Variants in MAF observed in about 807,000 individuals in gnomAD.
MAF encodes MAF bZIP transcription factor, also known as transcription factor Maf.
In MAF, 10 loss-of-function variants were observed where a neutral mutation model predicts 22.0. That is an observed-to-expected ratio of 0.45 (90% CI 0.28 to 0.77). The LOEUF is 0.77. Among genes scored for constraint, MAF ranks in the 30% least tolerant of loss-of-function variants. The probability of loss-of-function intolerance (pLI) is 0.12; values close to 1 mark genes in which losing one functional copy is unlikely to be tolerated. For synonymous variants in MAF, 337 were observed against 255.8 expected (o/e 1.32, Z -3.03); for missense variants, 544 against 548.4 (o/e 0.99, Z 0.08).
chr16:79,543,873 A>T, the MAF span, among the ~76,000 whole-genome samples: 1 of 151,900 alleles, frequency 6.6e-6, no homozygotes, highest in Non-Finnish European at 1.5e-5. Context: ...TTTTTAGCAG[A>T]GACGGGGTTT....
chr16:79,206,875 A>G, the MAF span: 1 of 152,168 alleles, frequency 6.6e-6, no homozygotes, highest in Non-Finnish European at 1.5e-5. Context: ...ATTTGTGGCA[A>G]ATGTGTCCCC....
the MAF span, among the ~76,000 whole-genome samples, chr16:79,276,735 C>A: frequency 6.6e-6 from 1 of 152,152 alleles, no homozygotes; most frequent in African/African-American, 2.4e-5. Context: ...AAGGATAAAG[C>A]TTCCCTGTTC....
the MAF span, among the ~76,000 whole-genome samples, chr16:79,489,645 A>G: frequency 1.3e-5 from 2 of 152,222 alleles, no homozygotes; most frequent in South Asian, 2.1e-4. Flanking sequence ...CCAGAGAGAA[A>G]AGACAACATG....
At chr16:79,297,794 G>A in the MAF span, among the ~76,000 whole-genome samples, 5 of 152,300 alleles carry the variant, frequency 3.3e-5, no homozygotes, top group African/African-American at 1.2e-4. Context: ...CGAGGGACTG[G>A]TGGGGAGAAC....
At chr16:79,223,007 G>A in the MAF span, among the ~76,000 whole-genome samples, 1 of 152,040 alleles carries the variant, frequency 6.6e-6, no homozygotes, top group Non-Finnish European at 1.5e-5. Flanking sequence ...CTCAGCTCTG[G>A]ACCAAGCAGA....
At chr16:79,372,413 A>T in the MAF span, among the ~76,000 whole-genome samples, 2 of 152,206 alleles carry the variant, frequency 1.3e-5, no homozygotes, top group Non-Finnish European at 2.9e-5. Context: ...CTGGACTGTG[A>T]TATATGTCTG....
chr16:79,494,419 C>T, the MAF span, among the ~76,000 whole-genome samples: 1 of 152,058 alleles, frequency 6.6e-6, no homozygotes, highest in Non-Finnish European at 1.5e-5. Flanking sequence ...ATAAAGCTTC[C>T]TATATCTCAG....
chr16:79,346,832 T>C, the MAF span, among the ~76,000 whole-genome samples: 1 of 152,324 alleles, frequency 6.6e-6, no homozygotes, highest in South Asian at 2.1e-4. Flanking sequence ...ACCGTCCTTT[T>C]GCACTTTTTT....
the MAF span, among the ~76,000 whole-genome samples, chr16:79,375,734 A>T: frequency 2.4e-4 from 36 of 151,744 alleles, no homozygotes; most frequent in East Asian, 7.0e-3. Context: ...TCACAGACTT[A>T]AAAAAAAATC....
the MAF span, among the ~76,000 whole-genome samples, chr16:79,458,416 G>A: frequency 6.6e-6 from 1 of 152,086 alleles, no homozygotes; most frequent in Non-Finnish European, 1.5e-5. Context: ...CAGAGACAGA[G>A]TGTTTTTATT....
chr16:79,591,710 G>C (rs942033100), downstream of MAF, among the ~76,000 whole-genome samples: 1 of 151,948 alleles, frequency 6.6e-6, no homozygotes, highest in Non-Finnish European at 1.5e-5. Flanking sequence ...TTTTTCCTTC[G>C]GGCAGACTTA....
chr16:79,550,942 C>G, the MAF span, among the ~76,000 whole-genome samples: 6 of 152,170 alleles, frequency 3.9e-5, no homozygotes, highest in Non-Finnish European at 8.8e-5. Flanking sequence ...ACTGCAGACT[C>G]TTTCCACCAT....
At chr16:79,204,867 A>C in the MAF span, 3 of 152,184 alleles carry the variant, frequency 2.0e-5, no homozygotes, top group Non-Finnish European at 2.9e-5. Flanking sequence ...CGTTCCTGCA[A>C]ATATTTCACA....
chr16:79,228,806 T>C, the MAF span, among the ~76,000 whole-genome samples: 1 of 151,220 alleles, frequency 6.6e-6, no homozygotes, highest in Non-Finnish European at 1.5e-5. Context: ...CAGGGGGAGG[T>C]CCGCTCAGGG....
the MAF span, among the ~76,000 whole-genome samples, chr16:79,319,356 G>C: frequency 6.6e-6 from 1 of 152,228 alleles, no homozygotes; most frequent in Admixed American, 6.5e-5. Context: ...AACTTTAGAA[G>C]TTCTATGGAT....
chr16:79,314,676 A>G, the MAF span, among the ~76,000 whole-genome samples: 1 of 152,222 alleles, frequency 6.6e-6, no homozygotes, highest in Non-Finnish European at 1.5e-5. Context: ...CTGGAGGGTC[A>G]TCAAAGCAAT....
At chr16:79,268,556 G>T in the MAF span, among the ~76,000 whole-genome samples, 4 of 152,076 alleles carry the variant, frequency 2.6e-5, no homozygotes, top group African/African-American at 9.7e-5. Flanking sequence ...TTCTGTAGTC[G>T]AACTAGGACA....
chr16:79,596,314 A>T, intron 1 of MAF: 2 of 1,059,692 alleles, frequency 1.9e-6, no homozygotes, highest in Non-Finnish European at 2.3e-6. Context: ...TAATCAGTAT[A>T]TGGGGCCAGC....
chr16:79,280,681 AG>A, the MAF span, among the ~76,000 whole-genome samples: 15 of 152,206 alleles, frequency 9.9e-5, no homozygotes, highest in African/African-American at 3.4e-4. Flanking sequence ...CTGTGGGCTC[AG>A]GGTGATGCTA....
Sources: allele counts gnomAD v4.1 joint callset (sites outside exome capture counted in the v4.1 genomes callset), GRCh38; gene constraint gnomAD v4.1.1; transcripts MANE v1.5; gene names NCBI Gene and HGNC (gene_info 2026-07-23, HGNC 2026-07-21).